The following SLC6A12 variants were observed in gnomAD, a reference collection of about 807,000 sequenced individuals.
SLC6A12 encodes sodium- and chloride-dependent betaine transporter.
Under a neutral mutation model 73.3 loss-of-function variants are expected in SLC6A12, and 50 were observed. The ratio of observed to expected loss-of-function variants is 0.68; its 90% CI spans 0.54 to 0.86. SLC6A12 has a LOEUF of 0.86. SLC6A12 is among the 40% of genes least tolerant of loss of function. The probability of loss-of-function intolerance (pLI) is 0.00; values close to 1 mark genes in which losing one functional copy is unlikely to be tolerated. For missense variants in SLC6A12, 648 were observed against 772.8 expected, an observed-to-expected ratio of 0.84 and a Z score of 1.92; for synonymous variants, 304 against 309.2, an observed-to-expected ratio of 0.98 and a Z score of 0.18.
chr12:195,379 C>G (rs772860845), intron 12 of SLC6A12, 52 bp from the exon 13 acceptor site: 24 of 1,183,234 alleles, frequency 2.0e-5, no homozygotes, highest in African/African-American at 3.0e-5. Context: ...CTGGGACACA[C>G]TCCAGCCCTC....
Position 212,080 on chromosome 12 carries a change from A to G in SLC6A12, c.-112T>C, listed in dbSNP as rs1474970498. 6.6e-6 allele frequency: 1 copy of G among 152,242 alleles called. No homozygotes were observed. Among genetic ancestry groups the G allele is most frequent in the Non-Finnish European group, 1.5e-5 (1 of 68,046 alleles). The allele number at this position is 152,242 out of a possible 1,614,324, so 9.4% of individuals were successfully genotyped here. On this transcript the variant is annotated 5_prime_UTR_variant, in exon 2 of 16. Transcript: ENST00000684302. ...TAACTTGCTGTGTGACCTCAGGCAA[A>G]TCACACCCCCTCTCTGAACTCTAAG... is the stretch of plus-strand genomic sequence containing the variant.
chr12:185,414 T>C (rs1939412738), downstream of SLC6A12, among the ~76,000 whole-genome samples: 1 of 152,244 alleles, frequency 6.6e-6, no homozygotes, highest in South Asian at 2.1e-4. Flanking sequence ...ACTTGCCCAC[T>C]TCGAGTCCCT....
Position 204,657 on chromosome 12 carries a change from C to G in SLC6A12, c.256G>C (p.Gly86Arg). 2 of 1,614,112 alleles carry G rather than the reference C, an allele frequency of 1.2e-6. No individual in the cohort carries two copies. Among genetic ancestry groups the G allele is most frequent in the Non-Finnish European group, 1.7e-6 (2 of 1,180,010 alleles). Residue 86 changes from glycine (G) to arginine (R), a missense_variant, in exon 4 of 16, where the codon GGC (glycine) becomes CGC (arginine). Physicochemically the swap from Gly to Arg is moderately radical, Grantham distance 125. Coordinates refer to ENST00000684302, the MANE Select transcript of SLC6A12 (RefSeq NM_001122848.3). Reference sequence around the variant, plus strand: ...ACCTCCAGGAAGAACACCGGGATGCCGCAGACAAAGAAGAAGATGAAGTAG... The same window carrying G: ...ACCTCCAGGAAGAACACCGGGATGCGGCAGACAAAGAAGAAGATGAAGTAG... ...IPYFIFFFVC[G>R]IPVFFLEVAL...
At chr12:189,047 C>G (rs1402154202), downstream of SLC6A12, among the ~76,000 whole-genome samples, 2 of 152,212 alleles carry the variant, frequency 1.3e-5, no homozygotes, top group African/African-American at 4.8e-5. Context: ...GCGAAGGAAT[C>G]TGAAAGAGGG....
At chr12:207,808 G>A (rs1940724251) in intron 3 of SLC6A12, among the ~76,000 whole-genome samples, 1 of 152,166 alleles carries the variant, frequency 6.6e-6, no homozygotes, top group South Asian at 2.1e-4. Flanking sequence ...CTCCAGAAGG[G>A]GACCCCAACC....
At position 202,898 on chromosome 12, in the gene SLC6A12, A is replaced by C; in HGVS notation, c.350-18T>G. On this transcript the variant is annotated intron_variant, in intron 4 of 15. Coordinates refer to ENST00000684302, the MANE Select transcript of SLC6A12 (RefSeq NM_001122848.3). ...ACCAATGCCTTCCAGAGTGGGGGAG[A>C]GATGGGGAGGGACAAGAGAGATCAA... is the stretch of plus-strand genomic sequence containing the variant. The C allele has an allele frequency of 1.2e-6, 2 of 1,612,690 alleles. No individual in the cohort carries two copies. The highest frequency in any genetic ancestry group is 1.7e-6 in the Non-Finnish European group (2 of 1,179,208).
Position 193,281 on chromosome 12 carries a change from C to T in SLC6A12, c.1526G>A (p.Cys509Tyr). 6.2e-7 allele frequency: 1 copy of T among 1,612,030 alleles called. No individual in the cohort carries two copies. The highest frequency in any genetic ancestry group is 2.2e-5 in the East Asian group (1 of 44,866). The change falls in exon 14 of 16, where the codon TGC (cysteine) becomes TAC (tyrosine). Residue 509 changes from cysteine to tyrosine, a missense_variant. Coordinates refer to ENST00000684302, the MANE Select transcript of SLC6A12 (RefSeq NM_001122848.3). ...ISWLFLTPGL[C>Y]LATFLFSLSK... ...GGGCAGCTGGTGGGCACATACCAGG[C>T]AAAGTCCAGGGGTCAGGAAGAGCCA...
chr12:197,460 A>C lies in SLC6A12; in HGVS notation c.992T>G (p.Phe331Cys). Reference protein sequence around the residue: ...ALCFLNSATSFVAGFVVFSIL... With the variant: ...ALCFLNSATSCVAGFVVFSIL... ...GGAGAAGACAACAAACCCAGCCACA[A>C]AGCTGGTGGCACTGTTCAGGAAGCA... is the stretch of plus-strand genomic sequence containing the variant. Residue 331 changes from phenylalanine to cysteine, a missense_variant, in exon 10 of 16, where the codon TTT becomes TGT. Physicochemically the swap from Phe to Cys is radical, Grantham distance 205. Transcript: ENST00000684302. The C allele has an allele frequency of 6.2e-7, 1 of 1,613,972 alleles. No individual in the cohort carries two copies. Among genetic ancestry groups the C allele is most frequent in the East Asian group, 2.2e-5 (1 of 44,866 alleles).
At chr12:187,074 G>A (rs936508248), downstream of SLC6A12, among the ~76,000 whole-genome samples, 3 of 152,212 alleles carry the variant, frequency 2.0e-5, no homozygotes, top group Non-Finnish European at 4.4e-5. Context: ...GACAGAAGTG[G>A]GAAGACTGTG....
At chr12:200,195 G>T (rs61907112) in intron 7 of SLC6A12, among the ~76,000 whole-genome samples, 9,864 of 139,872 alleles carry the variant, frequency 0.071, 394 homozygotes, top group Middle Eastern at 0.13. Context: ...TGCAAGCTCC[G>T]CCTCCCGGGT....
intron 3 of SLC6A12, 50 bp downstream of exon 3, chr12:209,723 G>A (rs1322717434): frequency 3.7e-6 from 6 of 1,606,114 alleles, no homozygotes; most frequent in Non-Finnish European, 5.1e-6. Flanking sequence ...GCACTGCCCA[G>A]CTGCCAGCAC....
At chr12:204,458 A>G in intron 4 of SLC6A12, 106 bp downstream of exon 4, 1 of 1,106,530 alleles carries the variant, frequency 9.0e-7, no homozygotes, top group Non-Finnish European at 1.4e-6. Context: ...AGGATATGGG[A>G]GTGAGCGGAT....
At chr12:192,830 A>G (rs908225657) in intron 14 of SLC6A12, among the ~76,000 whole-genome samples, 182 bp from the exon 15 acceptor site, 2 of 149,870 alleles carry the variant, frequency 1.3e-5, no homozygotes, top group African/African-American at 5.0e-5. Flanking sequence ...CGGAGACAGG[A>G]GGCGATACAA....
At chr12:186,129 C>T (rs1301506324), downstream of SLC6A12, among the ~76,000 whole-genome samples, 3 of 152,078 alleles carry the variant, frequency 2.0e-5, no homozygotes, top group African/African-American at 7.2e-5. Flanking sequence ...GAGGCTCAGG[C>T]AGAAGGGCAC....
In SLC6A12 at chr12:198,813, C is replaced by A; in HGVS notation, c.830G>T (p.Arg277Leu). ...IIYYLKPDLF[R>L]LKDPQVWMDA... ...GGTACATACCTGAGGGTCCTTGAGGCGGAACAAATCTGGCTTCAAGTAGTA... is the reference window on the plus strand; with the variant it reads ...GGTACATACCTGAGGGTCCTTGAGGAGGAACAAATCTGGCTTCAAGTAGTA... The change falls in exon 8 of 16, where the codon CGC becomes CTC. Residue 277 changes from arginine to leucine, a missense_variant. Transcript: ENST00000684302. This position sits in a 1 kb window ranked among gnomAD's most constrained non-coding sequence, Gnocchi z 4.0. 1.2e-6 allele frequency: 2 copies of A among 1,614,116 alleles called. No homozygotes were observed. The highest frequency in any genetic ancestry group is 8.5e-7 in the Non-Finnish European group (1 of 1,180,014).
chr12:210,121 G>A (rs1940844220), intron 2 of SLC6A12, 78 bp from the exon 3 acceptor site: 1 of 1,439,856 alleles, frequency 6.9e-7, no homozygotes, highest in African/African-American at 1.4e-5. Flanking sequence ...GATCTCCGCT[G>A]TCAGCATATT....
chr12:192,993 C>G, intron 14 of SLC6A12: 1 of 521,998 alleles, frequency 1.9e-6, no homozygotes. Context: ...AAGAGAAGCT[C>G]AGACAGACAG....
At chr12:203,059 CTTTTTTTTT>C (rs10582500) in intron 4 of SLC6A12, among the ~76,000 whole-genome samples, 179 bp from the exon 5 acceptor site, 1 of 68,340 alleles carries the variant, frequency 1.5e-5, no homozygotes, top group African/African-American at 6.3e-5. Context: ...TTTTTCTTTT[CTTTTTTTTT>C]TTTTTTTTTT....
chr12:193,227 G>A, intron 14 of SLC6A12, 50 bp downstream of exon 14: 1 of 1,311,796 alleles, frequency 7.6e-7, no homozygotes, highest in Non-Finnish European at 1.1e-6. Flanking sequence ...CTCATCTCTG[G>A]AGTCTTCTGG....
Sources: gnomAD v4.1 joint callset for allele counts (sites outside exome capture counted in the v4.1 genomes callset) on GRCh38, gnomAD v4.1.1 for gene constraint, Gnocchi (gnomAD v3.1) non-coding constraint, MANE v1.5 for transcripts, NCBI Gene and HGNC (gene_info 2026-07-23, HGNC 2026-07-21) for gene names.